The following KANSL1 variants were observed in gnomAD, a reference collection of about 807,000 sequenced individuals.
KANSL1 encodes MLL1/MLL complex subunit KANSL1.
In KANSL1, 22 loss-of-function variants were observed where a neutral mutation model predicts 103.6. That is an observed-to-expected ratio of 0.21 (90% CI 0.15 to 0.30). The LOEUF (loss-of-function observed/expected upper bound fraction) is 0.30. Ranked by LOEUF, KANSL1 falls within the 10% of genes least tolerant of loss-of-function variation. KANSL1 has a pLI of 1.00. For missense variants in KANSL1, 1,337 were observed against 1,399.8 expected, an observed-to-expected ratio of 0.96 and a Z score of 0.72; for synonymous variants, 600 against 527.6, an observed-to-expected ratio of 1.14 and a Z score of -1.88.
At chr17:46,123,692 T>C (rs917482252) in intron 2 of KANSL1, among the ~76,000 whole-genome samples, 3 of 152,172 alleles carry the variant, frequency 2.0e-5, no homozygotes, top group African/African-American at 7.2e-5. Context: ...CCATGAAGAC[T>C]GAGAGAGGTG....
chr17:46,095,786 G>A (rs1296886863), intron 2 of KANSL1, among the ~76,000 whole-genome samples: 4 of 152,100 alleles, frequency 2.6e-5, no homozygotes, highest in East Asian at 1.9e-4. Context: ...TATAACTGAC[G>A]ATTAAACATC....
At chr17:46,052,394 C>T (rs2077740170) in intron 6 of KANSL1, among the ~76,000 whole-genome samples, 2 of 152,138 alleles carry the variant, frequency 1.3e-5, no homozygotes, top group South Asian at 2.1e-4. Context: ...CACTTGAGGT[C>T]AGGAGTTTGA....
At chr17:46,119,402 G>A (rs1428803762) in intron 2 of KANSL1, among the ~76,000 whole-genome samples, 2 of 151,770 alleles carry the variant, frequency 1.3e-5, no homozygotes, top group Non-Finnish European at 2.9e-5. Flanking sequence ...CCGCTTCCCA[G>A]GTTCAACTGA....
At chr17:46,194,548 G>C (rs2047539915), upstream of KANSL1, among the ~76,000 whole-genome samples, 1 of 152,206 alleles carries the variant, frequency 6.6e-6, no homozygotes, top group Non-Finnish European at 1.5e-5. Flanking sequence ...GTCACACAAA[G>C]TGTAATTCTA....
Position 46,171,153 on chromosome 17 carries a change from T to C in KANSL1, c.991A>G (p.Lys331Glu). The C allele has an allele frequency of 6.2e-7, 1 of 1,614,188 alleles. No individual in the cohort carries two copies. The highest frequency in any genetic ancestry group is 8.5e-7 in the Non-Finnish European group (1 of 1,180,052). Residue 331 changes from lysine to glutamate, a missense_variant, in exon 2 of 15, where the codon AAA (lysine) becomes GAA (glutamate). Physicochemically the swap from Lys to Glu is moderately conservative, Grantham distance 56. This residue lies in a region of KANSL1 where 557 missense variants were observed against 476.4 expected (regional missense o/e 1.17). Coordinates refer to ENST00000432791, the MANE Select transcript of KANSL1 (RefSeq NM_015443.4). ...CTCAAGGATTCCAAGTTTGGCAGTT[T>C]GCTCAAAGTCTTCTCCAAAAATCCA... ...LGGFLEKTLS[K>E]LPNLESLRPR... is the part of the protein sequence containing the mutation.
intron 2 of KANSL1, chr17:46,148,114 CTAAA>C (rs1365553118): frequency 1.3e-5 from 2 of 152,320 alleles, no homozygotes; most frequent in African/African-American, 2.4e-5. Context: ...TTGACACACA[CTAAA>C]TAATAATTAG....
rs71138525 is a variant in KANSL1, at chr17:46,096,311, C to CTTTTTTTTTTTTTTTTTTTTTTTTTTTT, written c.1290-1611_1290-1610insAAAAAAAAAAAAAAAAAAAAAAAAAAAA. 2.3e-3 allele frequency among the ~76,000 whole-genome samples: 172 copies of CTTTTTTTTTTTTTTTTTTTTTTTTTTTT among 76,384 alleles called. 8 individuals are homozygous for CTTTTTTTTTTTTTTTTTTTTTTTTTTTT. The highest frequency in any genetic ancestry group is 5.3e-3 in the East Asian group (11 of 2,072). 50.1% of individuals were successfully genotyped at this position (76,384 alleles called of 152,430 possible). A position where few individuals can be genotyped will look rare whatever the true frequency, so the allele number is the denominator to read the frequency against. ...CATACTACATACCTGGCTTTTTTTT[C>CTTTTTTTTTTTTTTTTTTTTTTTTTTTT]TTTTTTTTTTTTTTTTTTTTTGAGA... On this transcript the variant is annotated intron_variant, in intron 2 of 14. Transcript: ENST00000432791.
At chr17:46,203,912 G>A (rs1338099200) in intron 1 of KANSL1, among the ~76,000 whole-genome samples, 11 of 152,226 alleles carry the variant, frequency 7.2e-5, no homozygotes, top group African/African-American at 2.4e-4. Context: ...GTGGTGGCAT[G>A]TGCCTGTAAT....
upstream of KANSL1, among the ~76,000 whole-genome samples, chr17:46,198,743 C>T (rs149022547): frequency 4.9e-3 from 750 of 152,270 alleles, 1 homozygote; most frequent in Non-Finnish European, 7.2e-3. Flanking sequence ...AAAACAAAAT[C>T]CCTGTCTAGA....
At chr17:46,184,481 A>G (rs1243677759) in intron 1 of KANSL1, among the ~76,000 whole-genome samples, 2 of 152,242 alleles carry the variant, frequency 1.3e-5, no homozygotes, top group African/African-American at 4.8e-5. Flanking sequence ...GGGTAAACCT[A>G]AATCTAACCA....
intron 1 of KANSL1, among the ~76,000 whole-genome samples, chr17:46,217,917 T>A (rs1261228459): frequency 1.3e-5 from 2 of 152,144 alleles, no homozygotes; most frequent in African/African-American, 4.8e-5. Flanking sequence ...TCCCAGCTAC[T>A]TAGGAGGCTA....
chr17:46,212,019 C>T (rs1435142434), intron 1 of KANSL1, among the ~76,000 whole-genome samples: 1 of 152,156 alleles, frequency 6.6e-6, no homozygotes, highest in Non-Finnish European at 1.5e-5. Context: ...GGACAGACCC[C>T]GGACAGACAG....
At chr17:46,043,408 T>G (rs552306005) in intron 7 of KANSL1, 2 of 151,866 alleles carry the variant, frequency 1.3e-5, no homozygotes, top group East Asian at 3.9e-4. Context: ...CTATCTCGAG[T>G]AGAAGGAGAA....
rs191254424 is a variant in KANSL1, at chr17:46,114,302, T to G, written c.1290-19601A>C. Among the ~76,000 whole-genome samples the G allele has an allele frequency of 1.6e-3, 239 of 152,308 alleles. 1 individual carries two copies. The highest frequency in any genetic ancestry group is 5.6e-3 in the African/African-American group (233 of 41,540). ...TGAACCCAGGAGGCGGAGGTTGCAG[T>G]GAGCCAAGATCGCGCCATTGCACTC... On this transcript the variant is annotated intron_variant, in intron 2 of 14. Transcript: ENST00000432791.
At chr17:46,185,229 A>G (rs2046966092) in intron 1 of KANSL1, among the ~76,000 whole-genome samples, 1 of 152,216 alleles carries the variant, frequency 6.6e-6, no homozygotes, top group Admixed American at 6.5e-5. Flanking sequence ...ACGTTAAGCA[A>G]CCTGAGCATT....
chr17:46,200,984 T>C (rs947365729), intron 1 of KANSL1, among the ~76,000 whole-genome samples: 4 of 151,988 alleles, frequency 2.6e-5, no homozygotes, highest in African/African-American at 7.3e-5. Flanking sequence ...AAATCTGGGC[T>C]CACCGCAACC....
intron 1 of KANSL1, among the ~76,000 whole-genome samples, chr17:46,204,002 C>G (rs1196775720): frequency 6.6e-6 from 1 of 151,948 alleles, no homozygotes; most frequent in Non-Finnish European, 1.5e-5. Context: ...TAGCAAGACC[C>G]TGTCTCACGG....
Position 46,200,062 on chromosome 17 carries a change from CACA to C in KANSL1, c.-90+23606_-90+23608del, listed in dbSNP as rs1337378888. ...TTACACACACACACACACACACACACACACCCTGATTATTTTGGTGAATTTTAG... is the reference window on the plus strand; with the variant it reads ...TTACACACACACACACACACACACACCCCTGATTATTTTGGTGAATTTTAG... On this transcript the variant is annotated intron_variant, in intron 1 of 14. Coordinates refer to the KANSL1 transcript ENST00000572904. Among the ~76,000 whole-genome samples the C allele has an allele frequency of 1.8e-4, 27 of 151,938 alleles. 1 individual carries two copies. Among genetic ancestry groups the C allele is most frequent in the Middle Eastern group, 3.2e-3 (1 of 316 alleles).
intron 2 of KANSL1, among the ~76,000 whole-genome samples, chr17:46,161,414 C>T (rs940142146): frequency 1.1e-4 from 17 of 151,652 alleles, no homozygotes; most frequent in South Asian, 4.2e-4. Flanking sequence ...CCAGCCTGGG[C>T]GACAGAGCGA....
Sources: gnomAD v4.1 joint callset for allele counts (sites outside exome capture counted in the v4.1 genomes callset) on GRCh38, gnomAD v4.1.1 for gene constraint, gnomAD v4.1.1 regional missense constraint, MANE v1.5 for transcripts, NCBI Gene and HGNC (gene_info 2026-07-23, HGNC 2026-07-21) for gene names.